The following XRCC5 variants were observed in gnomAD, a reference collection of about 807,000 sequenced individuals.
XRCC5 encodes DNA repair protein Ku80.
A neutral mutation model predicts 95.7 loss-of-function variants in XRCC5; 12 were observed. That is an observed-to-expected ratio of 0.13 (90% CI 0.08 to 0.20). The LOEUF (loss-of-function observed/expected upper bound fraction) is 0.20, where lower values mean the gene tolerates loss of function less well. XRCC5 is among the 10% of genes least tolerant of loss of function. The pLI is 1.00. For synonymous variants in XRCC5, 281 were observed against 290.3 expected (o/e 0.97, Z 0.33); for missense variants, 595 against 873.9 (o/e 0.68, Z 4.02).
At chr2:216,181,005 G>T (rs1300494043) in intron 16 of XRCC5, among the ~76,000 whole-genome samples, 1 of 151,856 alleles carries the variant, frequency 6.6e-6, no homozygotes, top group African/African-American at 2.4e-5. Flanking sequence ...TAGAGACGGG[G>T]TTTCTCTGTA....
intron 14 of XRCC5, among the ~76,000 whole-genome samples, chr2:216,152,409 C>A (rs1320640143): frequency 2.6e-5 from 4 of 151,838 alleles, no homozygotes; most frequent in African/African-American, 7.3e-5. Context: ...CCATTACACT[C>A]CAGCCTAGGC....
chr2:216,187,861 T>TCTCTCTCTCTCTCTCTCCC lies in XRCC5; in HGVS notation c.1835-2363_1835-2362insTCTCTCTCTCTCTCTCCCC, dbSNP rs143232624. ...CTCTCTCTCTCTCTCTCTCTCTCTC[T>TCTCTCTCTCTCTCTCTCCC]CCCCGTCTCCCTGTCTCTCCCTCTC... On this transcript the variant is annotated intron_variant, in intron 16 of 20. Transcript: ENST00000392132. Among the ~76,000 whole-genome samples the TCTCTCTCTCTCTCTCTCCC allele has an allele frequency of 2.4e-4, 28 of 116,264 alleles. 3 individuals carry two copies. The highest frequency in any genetic ancestry group is 1.0e-3 in the African/African-American group (25 of 23,902). 76.3% of individuals were successfully genotyped at this position (116,264 alleles called of 152,430 possible). A position where few individuals can be genotyped will look rare whatever the true frequency, so the allele number is the denominator to read the frequency against.
intron 13 of XRCC5, among the ~76,000 whole-genome samples, chr2:216,142,065 A>C (rs941838196): frequency 6.6e-6 from 1 of 151,090 alleles, no homozygotes; most frequent in African/African-American, 2.4e-5. Context: ...AAAAAAAAAG[A>C]AAAAAAAAGG....
chr2:216,163,824 G>A (rs1447644227), intron 16 of XRCC5, among the ~76,000 whole-genome samples: 1 of 152,216 alleles, frequency 6.6e-6, no homozygotes, highest in East Asian at 1.9e-4. Flanking sequence ...TCCAGAGGAA[G>A]AACAGCTTCG....
intron 19 of XRCC5, among the ~76,000 whole-genome samples, chr2:216,200,510 A>G (rs1689816247): frequency 6.6e-6 from 1 of 152,234 alleles, no homozygotes; most frequent in Non-Finnish European, 1.5e-5. Flanking sequence ...TACATTTAAG[A>G]TATGATATTA....
chr2:216,117,921 T>G lies in XRCC5; in HGVS notation c.368+127T>G, dbSNP rs913170174. ...ATGTTTGTGTGACAAGAGAAACATT[T>G]TATAGAATTGAATGGTTCAGTCCAA... On this transcript the variant is annotated intron_variant, in intron 4 of 20. Coordinates refer to ENST00000392132, the MANE Select transcript of XRCC5 (RefSeq NM_021141.4). 5.0e-6 allele frequency: 5 copies of G among 1,010,086 alleles called. No homozygotes were observed. In the African/African-American group the frequency reaches 8.0e-5, roughly 16 times the overall value. 62.6% of individuals were successfully genotyped at this position (1,010,086 alleles called of 1,614,324 possible). A position where few individuals can be genotyped will look rare whatever the true frequency, so the allele number is the denominator to read the frequency against.
Position 216,191,857 on chromosome 2 carries a change from A to G in XRCC5, c.1945-782A>G, listed in dbSNP as rs1022694742. 7.2e-4 allele frequency among the ~76,000 whole-genome samples: 110 copies of G among 152,194 alleles called. 1 individual carries two copies. Among genetic ancestry groups the G allele is most frequent in the African/African-American group, 2.6e-3 (108 of 41,444 alleles). On this transcript the variant is annotated intron_variant, in intron 17 of 20. Coordinates refer to ENST00000392132, the MANE Select transcript of XRCC5 (RefSeq NM_021141.4). ...ATGTGAGTGTTTGTTTTAAAAGACT[A>G]TATTTTCTATATTTCATACAAGAAT... is the stretch of plus-strand genomic sequence containing the variant.
intron 16 of XRCC5, among the ~76,000 whole-genome samples, chr2:216,178,983 C>T (rs1158042482): frequency 6.6e-6 from 1 of 152,094 alleles, no homozygotes; most frequent in East Asian, 1.9e-4. Context: ...AGACAGTAAA[C>T]AAATAAGAAA....
intron 16 of XRCC5, among the ~76,000 whole-genome samples, chr2:216,188,043 C>G (rs945297446): frequency 3.9e-5 from 6 of 152,052 alleles, no homozygotes; most frequent in Non-Finnish European, 8.8e-5. Context: ...AACTCCCTTT[C>G]CTCCAGCCAT....
intron 2 of XRCC5, among the ~76,000 whole-genome samples, chr2:216,114,614 G>C (rs1696649315): frequency 6.6e-6 from 1 of 152,070 alleles, no homozygotes; most frequent in Admixed American, 6.5e-5. Context: ...GGGCCCCAAA[G>C]CTGTCAGGTT....
intron 10 of XRCC5, 38 bp downstream of exon 10, chr2:216,132,425 A>G: frequency 3.1e-6 from 5 of 1,603,104 alleles, no homozygotes; most frequent in Non-Finnish European, 4.3e-6. Flanking sequence ...GTGCTACAGA[A>G]TTGAATTGTA....
At chr2:216,131,782 T>G (rs1696996885) in intron 9 of XRCC5, among the ~76,000 whole-genome samples, 1 of 152,190 alleles carries the variant, frequency 6.6e-6, no homozygotes, top group South Asian at 2.1e-4. Context: ...ATTTTTCACC[T>G]TTCCTCTCAC....
intron 16 of XRCC5, among the ~76,000 whole-genome samples, chr2:216,177,824 T>C (rs3821106): frequency 6.6e-6 from 1 of 152,220 alleles, no homozygotes; most frequent in East Asian, 1.9e-4. Context: ...AAGGTTGGAT[T>C]ATCCCACAAT....
Position 216,205,892 on chromosome 2 carries a change from G to A in XRCC5, c.*690G>A, listed in dbSNP as rs1689932933. 1 of 152,080 alleles carries A rather than the reference G, an allele frequency of 6.6e-6. No homozygotes were observed. The highest frequency in any genetic ancestry group is 1.5e-5 in the Non-Finnish European group (1 of 68,018). The allele number at this position is 152,080 out of a possible 1,614,324, so 9.4% of individuals were successfully genotyped here. On this transcript the variant is annotated 3_prime_UTR_variant, in exon 21 of 21. Transcript: ENST00000392132. ...GGTCTCATGAAGAAAAGACCTTTTG[G>A]CCCAATCTCTGCCATATCAGTGAAC...
chr2:216,171,449 A>AT (rs1379822369), intron 16 of XRCC5, among the ~76,000 whole-genome samples: 1 of 152,218 alleles, frequency 6.6e-6, no homozygotes, highest in African/African-American at 2.4e-5. Flanking sequence ...ATGGGAGAAA[A>AT]TTTAACTTGT....
At chr2:216,115,472 T>C (rs1182259911) in intron 2 of XRCC5, among the ~76,000 whole-genome samples, 1 of 152,224 alleles carries the variant, frequency 6.6e-6, no homozygotes, top group East Asian at 1.9e-4. Flanking sequence ...CCAGCCAGTA[T>C]GCTACGCATG....
intron 1 of XRCC5, among the ~76,000 whole-genome samples, chr2:216,111,793 C>A (rs1375937295): frequency 1.3e-5 from 2 of 152,140 alleles, no homozygotes; most frequent in Non-Finnish European, 2.9e-5. Context: ...GACCTTAAAC[C>A]TCATCTAGTC....
chr2:216,124,170 T>C (rs544898921), intron 6 of XRCC5, among the ~76,000 whole-genome samples: 10 of 152,370 alleles, frequency 6.6e-5, no homozygotes, highest in African/African-American at 2.2e-4. Flanking sequence ...TGGACTAGAT[T>C]ATCTCCATAT....
chr2:216,182,578 A>C (rs1438560095), intron 16 of XRCC5, among the ~76,000 whole-genome samples: 1 of 152,228 alleles, frequency 6.6e-6, no homozygotes, highest in Non-Finnish European at 1.5e-5. Context: ...TGCCCTCCCT[A>C]GTCTTCACCC....
Sources: gnomAD v4.1 joint callset for allele counts (sites outside exome capture counted in the v4.1 genomes callset) on GRCh38, gnomAD v4.1.1 for gene constraint, MANE v1.5 for transcripts, NCBI Gene and HGNC (gene_info 2026-07-23, HGNC 2026-07-21) for gene names.